The following ITPR2 variants were observed in gnomAD, a reference collection of about 807,000 sequenced individuals.
The protein encoded by ITPR2 is inositol 1,4,5-trisphosphate receptor type 2.
Under a neutral mutation model 317.1 loss-of-function variants are expected in ITPR2, and 207 were observed. The ratio of observed to expected loss-of-function variants is 0.65; its 90% confidence interval spans 0.58 to 0.73. ITPR2 has a LOEUF of 0.73. Among genes scored for constraint, ITPR2 ranks in the 30% least tolerant of loss-of-function variants. The pLI, the probability that ITPR2 is intolerant of heterozygous loss-of-function variation, is 0.00. For missense variants in ITPR2, 2,613 were observed against 3,284.0 expected (o/e 0.80, Z 4.99); for synonymous variants, 1,156 against 1,149.1 (o/e 1.01, Z -0.12).
At chr12:26,474,175 G>T (rs1942356661) in intron 45 of ITPR2, among the ~76,000 whole-genome samples, 1 of 152,116 alleles carries the variant, frequency 6.6e-6, no homozygotes, top group Non-Finnish European at 1.5e-5. Flanking sequence ...AATCTTCCGA[G>T]AATCTGACTT....
At chr12:26,372,212 C>T (rs1265977265) in intron 55 of ITPR2, among the ~76,000 whole-genome samples, 1 of 152,124 alleles carries the variant, frequency 6.6e-6, no homozygotes, top group African/African-American at 2.4e-5. Context: ...TCATTAGGCC[C>T]AAGATTCCTG....
intron 50 of ITPR2, among the ~76,000 whole-genome samples, chr12:26,415,875 G>A (rs1405028457): frequency 6.6e-6 from 1 of 152,126 alleles, no homozygotes; most frequent in African/African-American, 2.4e-5. Flanking sequence ...CTGATATTCT[G>A]CAGTTACTTC....
At chr12:26,586,708 T>C (rs1489482252) in intron 32 of ITPR2, among the ~76,000 whole-genome samples, 1 of 152,174 alleles carries the variant, frequency 6.6e-6, no homozygotes, top group Non-Finnish European at 1.5e-5. Flanking sequence ...TGAGTGTCTA[T>C]TCCATGCCAA....
chr12:26,728,949 T>C (rs1169101547), intron 2 of ITPR2, among the ~76,000 whole-genome samples: 1 of 152,216 alleles, frequency 6.6e-6, no homozygotes, highest in Admixed American at 6.5e-5. Context: ...TATTAGACCT[T>C]TGTTGGATGC....
At chr12:26,740,090 C>T (rs1949204309) in intron 2 of ITPR2, among the ~76,000 whole-genome samples, 1 of 152,148 alleles carries the variant, frequency 6.6e-6, no homozygotes, top group Non-Finnish European at 1.5e-5. Context: ...AGGGGTACAG[C>T]AGGTACATCT....
intron 45 of ITPR2, among the ~76,000 whole-genome samples, chr12:26,472,051 G>A (rs1942301881): frequency 6.6e-6 from 1 of 152,232 alleles, no homozygotes; most frequent in Admixed American, 6.5e-5. Context: ...AGAAAGATCA[G>A]CAGAGCACAA....
At chr12:26,579,928 T>C (rs1945358110) in intron 33 of ITPR2, 99 bp downstream of exon 33, 1 of 859,770 alleles carries the variant, frequency 1.2e-6, no homozygotes, top group African/African-American at 1.7e-5. Flanking sequence ...AGAATAAACA[T>C]CTGAAGTGTA....
intron 15 of ITPR2, 74 bp from the exon 16 acceptor site, chr12:26,659,359 C>A (rs960872022): frequency 7.9e-7 from 1 of 1,262,934 alleles, no homozygotes; most frequent in Admixed American, 2.1e-5. Flanking sequence ...GGGTCAACAA[C>A]ATTGATTAAT....
intron 37 of ITPR2, among the ~76,000 whole-genome samples, chr12:26,533,324 T>C (rs1033094787): frequency 1.3e-5 from 2 of 152,210 alleles, no homozygotes; most frequent in African/African-American, 4.8e-5. Context: ...AAACCTCTTT[T>C]CTGTTTCTTC....
intron 37 of ITPR2, among the ~76,000 whole-genome samples, chr12:26,532,969 A>G (rs1943985376): frequency 6.6e-6 from 1 of 152,202 alleles, no homozygotes; most frequent in African/African-American, 2.4e-5. Flanking sequence ...TACAGGCGTG[A>G]GCCACCGTGC....
At chr12:26,702,405 G>T (rs1223974955) in intron 9 of ITPR2, among the ~76,000 whole-genome samples, 3 of 112,554 alleles carry the variant, frequency 2.7e-5, no homozygotes, top group South Asian at 3.5e-4. Context: ...TTGGGGGCGG[G>T]GGTGGGGGGT....
intron 32 of ITPR2, 102 bp from the exon 33 acceptor site, chr12:26,580,257 C>T: frequency 2.0e-6 from 2 of 1,015,484 alleles, no homozygotes; most frequent in South Asian, 3.4e-5. Context: ...TTGTCAGTAA[C>T]ATTTCTTCTG....
intron 11 of ITPR2, 67 bp from the exon 12 acceptor site, chr12:26,682,740 A>T: frequency 1.1e-6 from 1 of 893,148 alleles, no homozygotes; most frequent in South Asian, 1.5e-5. Flanking sequence ...TAACATCTTT[A>T]ACAGTTTCAT....
chr12:26,696,972 A>G (rs1948363609), intron 9 of ITPR2, among the ~76,000 whole-genome samples: 1 of 152,220 alleles, frequency 6.6e-6, no homozygotes. Context: ...ATGATGGCCA[A>G]GGCCTTTCTG....
chr12:26,529,700 A>G (rs1331679017), intron 37 of ITPR2, among the ~76,000 whole-genome samples: 1 of 152,208 alleles, frequency 6.6e-6, no homozygotes, highest in Non-Finnish European at 1.5e-5. Context: ...CAGTTTTTCC[A>G]TCTGTAAAAT....
At chr12:26,775,549 T>C (rs117317339) in intron 2 of ITPR2, among the ~76,000 whole-genome samples, 1 of 152,118 alleles carries the variant, frequency 6.6e-6, no homozygotes, top group African/African-American at 2.4e-5. Context: ...TTGGGCTGTG[T>C]TATGGTTAAT....
intron 34 of ITPR2, among the ~76,000 whole-genome samples, chr12:26,575,476 T>G (rs1945254009): frequency 6.6e-6 from 1 of 151,906 alleles, no homozygotes; most frequent in Non-Finnish European, 1.5e-5. Context: ...GAGCCTTAAC[T>G]GTTCAGATGG....
intron 54 of ITPR2, among the ~76,000 whole-genome samples, chr12:26,397,366 C>G (rs1296737735): frequency 6.6e-6 from 1 of 151,778 alleles, no homozygotes; most frequent in Non-Finnish European, 1.5e-5. Flanking sequence ...CTGGCAACCT[C>G]TCCCTTTCAT....
At chr12:26,345,277 A>G (rs912224635) in intron 55 of ITPR2, among the ~76,000 whole-genome samples, 1 of 152,174 alleles carries the variant, frequency 6.6e-6, no homozygotes, top group Admixed American at 6.5e-5. Flanking sequence ...AAATTACTGC[A>G]GAAAGTACAG....
Sources: allele counts gnomAD v4.1 joint callset (sites outside exome capture counted in the v4.1 genomes callset), GRCh38; gene constraint gnomAD v4.1.1; transcripts MANE v1.5; gene names NCBI Gene and HGNC (gene_info 2026-07-23, HGNC 2026-07-21).